Variants in PPEF1 observed in about 807,000 individuals in gnomAD.
The protein encoded by PPEF1 is serine/threonine-protein phosphatase with EF-hands 1.
PPEF1 carries 12 observed loss-of-function variants against 53.3 expected under a neutral mutation model. That is an observed-to-expected ratio of 0.23 (90% CI 0.14 to 0.36). The LOEUF is 0.36. Ranked by LOEUF, PPEF1 falls within the 10% of genes least tolerant of loss-of-function variation. The probability of loss-of-function intolerance (pLI) is 1.00; values close to 1 mark genes in which losing one functional copy is unlikely to be tolerated. For missense variants in PPEF1, 334 were observed against 490.4 expected (o/e 0.68, Z 3.01); for synonymous variants, 165 against 176.7 (o/e 0.93, Z 0.52).
intron 1 of PPEF1, among the ~76,000 whole-genome samples, chrX:18,723,516 CT>C (rs903274658): frequency 8.9e-6 from 1 of 111,849 alleles, no homozygotes; most frequent in Non-Finnish European, 1.9e-5. Context: ...TACAACACCC[CT>C]AGAAGGTGTT....
intron 1 of PPEF1, among the ~76,000 whole-genome samples, chrX:18,727,531 C>G (rs2044736551): frequency 1.8e-5 from 2 of 110,858 alleles, no homozygotes; most frequent in African/African-American, 3.3e-5. Flanking sequence ...CAGAAGACTT[C>G]TGTGACCAAA....
At chrX:18,719,001 A>T (rs1027226099) in intron 1 of PPEF1, among the ~76,000 whole-genome samples, 5 of 112,286 alleles carry the variant, frequency 4.5e-5, no homozygotes, top group Non-Finnish European at 9.4e-5. Flanking sequence ...CAGTCAAGAT[A>T]TTATTTCCTG....
At chrX:18,689,350 C>T (rs1424512132) in intron 3 of PPEF1, among the ~76,000 whole-genome samples, 7 of 106,567 alleles carry the variant, frequency 6.6e-5, no homozygotes, top group Non-Finnish European at 1.2e-4. Context: ...AGTGTGGTGG[C>T]GGGCACCTGT....
chrX:18,809,951 G>A lies in PPEF1; in HGVS notation c.1394+3406G>A, dbSNP rs148062440. Reference sequence around the variant, plus strand: ...GTATGGTGGTTGCCAGGGGCTGAGAGGTGGAGGATATCTGGAGATACAGGT... The same window carrying A: ...GTATGGTGGTTGCCAGGGGCTGAGAAGTGGAGGATATCTGGAGATACAGGT... On this transcript the variant is annotated intron_variant, in intron 12 of 15. Transcript: ENST00000470157. 4.9e-3 allele frequency among the ~76,000 whole-genome samples: 548 copies of A among 110,728 alleles called. 5 individuals are homozygous for A. The highest frequency in any genetic ancestry group is 0.017 in the African/African-American group (505 of 30,554).
At chrX:18,772,678 A>G (rs1022476956) in intron 6 of PPEF1, among the ~76,000 whole-genome samples, 1 of 112,504 alleles carries the variant, frequency 8.9e-6, no homozygotes, top group Admixed American at 9.4e-5. Flanking sequence ...AACATTTAGT[A>G]TCTCACAGTT....
intron 4 of PPEF1, among the ~76,000 whole-genome samples, chrX:18,751,965 A>G (rs5909226): frequency 0.45 from 49,356 of 110,518 alleles, 8,741 homozygotes; most frequent in Non-Finnish European, 0.57. Context: ...CAGTGTTGAA[A>G]TTGTTCTTCA....
intron 8 of PPEF1, 29 bp downstream of exon 8, chrX:18,782,431 G>A: frequency 2.3e-6 from 2 of 865,409 alleles, no homozygotes; most frequent in East Asian, 3.8e-5. Flanking sequence ...TTTTTTTTTA[G>A]TATTCACTTT....
At chrX:18,741,135 G>A (rs1412198663) in intron 3 of PPEF1, among the ~76,000 whole-genome samples, 1 of 111,669 alleles carries the variant, frequency 9.0e-6, no homozygotes, top group Non-Finnish European at 1.9e-5. Flanking sequence ...TAAGGAATGG[G>A]GAGTGGGTGG....
Position 18,803,947 on chromosome X carries a change from C to T in PPEF1, c.1121C>T (p.Thr374Met), listed in dbSNP as rs1480343562. Reference sequence around the variant, plus strand: ...GGCAAAAATGGCTGTTTTCCAAATACGTGCCGAGGAGGGGGCTGCTATTTT... The same window carrying T: ...GGCAAAAATGGCTGTTTTCCAAATATGTGCCGAGGAGGGGGCTGCTATTTT... ...PRGKNGCFPNTCRGGGCYFGP... is the reference protein window; with the variant it reads ...PRGKNGCFPNMCRGGGCYFGP... The change falls in exon 11 of 16, where the codon ACG becomes ATG. Residue 374 changes from threonine (T) to methionine (M), a missense_variant. By Grantham distance (81) the Thr-to-Met change is moderately conservative. Transcript: ENST00000470157. 9.1e-6 allele frequency: 11 copies of T among 1,206,558 alleles called. No individual in the cohort carries two copies. The highest frequency in any genetic ancestry group is 8.9e-5 in the East Asian group (3 of 33,671).
intron 4 of PPEF1, among the ~76,000 whole-genome samples, chrX:18,696,431 G>A (rs1929727739): frequency 9.1e-6 from 1 of 109,781 alleles, no homozygotes; most frequent in Non-Finnish European, 1.9e-5. Flanking sequence ...GGGATTACAG[G>A]TATGAGCCAC....
At chrX:18,761,599 A>G (rs2045668100) in intron 6 of PPEF1, 23 bp downstream of exon 6, 1 of 1,160,383 alleles carries the variant, frequency 8.6e-7, no homozygotes, top group Non-Finnish European at 1.2e-6. Flanking sequence ...TTTGCTAAAT[A>G]TTAACATTTT....
intron 2 of PPEF1, among the ~76,000 whole-genome samples, chrX:18,685,788 A>G (rs1354650029): frequency 9.0e-6 from 1 of 110,985 alleles, no homozygotes; most frequent in African/African-American, 3.3e-5. Context: ...AATATTAGTC[A>G]TACATTTCTA....
chrX:18,822,954 A>G (rs1192640523), intron 13 of PPEF1, among the ~76,000 whole-genome samples: 2 of 111,820 alleles, frequency 1.8e-5, no homozygotes, highest in Admixed American at 9.6e-5. Context: ...CTGAAGAAAA[A>G]GAACAAGGTG....
chrX:18,694,137 C>T (rs1929574526), intron 4 of PPEF1, among the ~76,000 whole-genome samples: 1 of 111,966 alleles, frequency 8.9e-6, no homozygotes, highest in African/African-American at 3.2e-5. Context: ...GTATCAGCTT[C>T]ATTTGTTTTT....
intron 6 of PPEF1, among the ~76,000 whole-genome samples, chrX:18,773,624 A>G (rs940526373): frequency 9.0e-6 from 1 of 111,410 alleles, no homozygotes; most frequent in Non-Finnish European, 1.9e-5. Context: ...GTTTTGGTAA[A>G]GTTTTATTTT....
chrX:18,703,035 G>A (rs2147269780), upstream of PPEF1, among the ~76,000 whole-genome samples: 1 of 111,199 alleles, frequency 9.0e-6, no homozygotes, highest in African/African-American at 3.3e-5. Flanking sequence ...CAGAGGGTGG[G>A]AAATGGAAGC....
At chrX:18,807,512 C>G (rs999211898) in intron 12 of PPEF1, among the ~76,000 whole-genome samples, 2 of 111,656 alleles carry the variant, frequency 1.8e-5, no homozygotes, top group African/African-American at 3.3e-5. Flanking sequence ...CAAAAATAGT[C>G]AAGCATTTAT....
intron 1 of PPEF1, among the ~76,000 whole-genome samples, chrX:18,683,916 A>G (rs1026018912): frequency 1.8e-5 from 2 of 112,260 alleles, no homozygotes; most frequent in African/African-American, 6.5e-5. Flanking sequence ...CCTACTCCAG[A>G]TTCCTTGTGA....
intron 10 of PPEF1, among the ~76,000 whole-genome samples, chrX:18,802,652 A>G (rs1247841445): frequency 8.9e-6 from 1 of 112,036 alleles, no homozygotes; most frequent in Admixed American, 9.5e-5. Flanking sequence ...TATGTGCTCA[A>G]CAGGACAAAA....
Sources: allele counts gnomAD v4.1 joint callset (sites outside exome capture counted in the v4.1 genomes callset), GRCh38; gene constraint gnomAD v4.1.1; transcripts MANE v1.5; gene names NCBI Gene and HGNC (gene_info 2026-07-23, HGNC 2026-07-21).